The following PAMR1 variants were observed in gnomAD, a reference collection of about 807,000 sequenced individuals.
PAMR1 encodes peptidase domain containing associated with muscle regeneration 1.
Under a neutral mutation model 81.8 loss-of-function variants are expected in PAMR1, and 88 were observed. That is an observed-to-expected ratio of 1.08 (90% CI 0.91 to 1.28). The LOEUF (loss-of-function observed/expected upper bound fraction) is 1.28. PAMR1 is among the 50% of genes most tolerant of loss of function. PAMR1 has a pLI of 0.00. For synonymous variants in PAMR1, 336 were observed against 345.3 expected (o/e 0.97, Z 0.30); for missense variants, 935 against 919.7 (o/e 1.02, Z -0.21).
At chr11:35,470,507 A>C in intron 5 of PAMR1, 94 bp downstream of exon 5, 1 of 949,004 alleles carries the variant, frequency 1.1e-6, no homozygotes, top group Admixed American at 1.9e-5. Context: ...ACTAGGTTTT[A>C]ATAAGGATGA....
At chr11:35,501,893 A>G (rs1430013802) in intron 1 of PAMR1, among the ~76,000 whole-genome samples, 1 of 152,230 alleles carries the variant, frequency 6.6e-6, no homozygotes, top group African/African-American at 2.4e-5. Context: ...TGCAATAAAC[A>G]TAAGAGTGGA....
upstream of PAMR1, among the ~76,000 whole-genome samples, chr11:35,529,312 G>A (rs147715645): frequency 1.0e-3 from 155 of 152,266 alleles, no homozygotes; most frequent in African/African-American, 3.5e-3. Context: ...ACTAATCTTC[G>A]TAAGTTAAAA....
chr11:35,465,425 T>C (rs1360730394), intron 6 of PAMR1, among the ~76,000 whole-genome samples: 1 of 152,256 alleles, frequency 6.6e-6, no homozygotes, highest in Non-Finnish European at 1.5e-5. Context: ...ATGTTTTGAA[T>C]TTGTTGGTAT....
At chr11:35,441,442 C>A (rs1157326734) in intron 7 of PAMR1, 39 bp downstream of exon 7, 3 of 1,474,434 alleles carry the variant, frequency 2.0e-6, no homozygotes, top group Admixed American at 1.7e-5. Context: ...CTAGCAACTT[C>A]ATCAATGTCC....
chr11:35,482,385 G>A (rs753497700), intron 3 of PAMR1, among the ~76,000 whole-genome samples: 6 of 151,996 alleles, frequency 3.9e-5, no homozygotes, highest in African/African-American at 7.2e-5. Context: ...GTTCTGTTCC[G>A]TTGGTCTGTA....
chr11:35,432,843 G>C lies in PAMR1; in HGVS notation c.1676C>G (p.Ala559Gly). The C allele has an allele frequency of 6.2e-7, 1 of 1,600,360 alleles. No individual in the cohort carries two copies. Residue 559 changes from alanine to glycine, a missense_variant, in exon 11 of 11, where the codon GCT becomes GGT. Coordinates refer to ENST00000619888, the MANE Select transcript of PAMR1 (RefSeq NM_001001991.3). The part of the protein sequence containing the change: ...HPNYDPILLD[A>G]DIAILKLLDK... Reference sequence around the variant, plus strand: ...TAGGAGCTTCAGGATGGCGATGTCAGCATCAAGCAGGATGGGGTCATAGTT... The same window carrying C: ...TAGGAGCTTCAGGATGGCGATGTCACCATCAAGCAGGATGGGGTCATAGTT...
chr11:35,490,758 T>G lies in PAMR1; in HGVS notation c.379+1287A>C, dbSNP rs369029105. Reference sequence around the variant, plus strand: ...TGAGCTTTTACTATTGTCAGAGCACTAAGTGCTTCACACACATTATCTCAT... The same window carrying G: ...TGAGCTTTTACTATTGTCAGAGCACGAAGTGCTTCACACACATTATCTCAT... On this transcript the variant is annotated intron_variant, in intron 3 of 10. Coordinates refer to ENST00000619888, the MANE Select transcript of PAMR1 (RefSeq NM_001001991.3). 5.3e-5 allele frequency among the ~76,000 whole-genome samples: 8 copies of G among 152,324 alleles called. No individual in the cohort carries two copies. In the East Asian group the frequency reaches 1.2e-3, roughly 22 times the overall value.
upstream of PAMR1, chr11:35,529,996 T>C (rs1450687290): frequency 6.6e-6 from 1 of 152,220 alleles, no homozygotes; most frequent in Admixed American, 6.5e-5. Flanking sequence ...GGAGACTGTC[T>C]TTGTGAATTC....
chr11:35,480,248 A>G (rs562932257), intron 3 of PAMR1, among the ~76,000 whole-genome samples: 6 of 152,294 alleles, frequency 3.9e-5, no homozygotes, highest in African/African-American at 1.2e-4. Context: ...CCCATGTCAA[A>G]TGGCCTGTCC....
At chr11:35,466,077 T>C (rs10836400) in intron 6 of PAMR1, among the ~76,000 whole-genome samples, 43,043 of 151,996 alleles carry the variant, frequency 0.28, 6,192 homozygotes, top group Admixed American at 0.34. Context: ...AATTCTATTT[T>C]TTTTTTTTTA....
Position 35,514,219 on chromosome 11 carries a change from GT to G in PAMR1, c.73+11293del, listed in dbSNP as rs552592258. Among the ~76,000 whole-genome samples, 16 of 152,276 alleles carry G rather than the reference GT, an allele frequency of 1.1e-4. No homozygotes were observed. The South Asian group carries it at 2.9e-3, about 28-fold the overall frequency. ...TGAAAAAACACAATGAGCATAAAGG[GT>G]TTTTGAAGAAAAAAATGCATATTTG... On this transcript the variant is annotated intron_variant, in intron 1 of 10. Transcript: ENST00000619888.
At chr11:35,453,579 T>G (rs1427954039) in intron 6 of PAMR1, 1 of 152,236 alleles carries the variant, frequency 6.6e-6, no homozygotes, top group Non-Finnish European at 1.5e-5. Context: ...TTTAGACATC[T>G]ACCTGGTGGG....
chr11:35,528,776 G>A (rs1851426944), upstream of PAMR1, among the ~76,000 whole-genome samples: 1 of 152,144 alleles, frequency 6.6e-6, no homozygotes, highest in African/African-American at 2.4e-5. Context: ...GGAAACAGAG[G>A]CCCTTCTTCT....
intron 1 of PAMR1, among the ~76,000 whole-genome samples, chr11:35,514,941 A>C (rs1486389100): frequency 6.6e-6 from 1 of 152,198 alleles, no homozygotes; most frequent in Non-Finnish European, 1.5e-5. Context: ...GCAGGTCAAG[A>C]CTGCAGCAAA....
intron 1 of PAMR1, among the ~76,000 whole-genome samples, chr11:35,519,148 G>T (rs558296231): frequency 6.6e-6 from 1 of 152,150 alleles, no homozygotes; most frequent in Admixed American, 6.5e-5. Context: ...AGCCAAGGGG[G>T]CCACTTCTTT....
intron 1 of PAMR1, among the ~76,000 whole-genome samples, chr11:35,524,329 T>A (rs1469820083): frequency 2.0e-5 from 3 of 152,182 alleles, no homozygotes; most frequent in Non-Finnish European, 2.9e-5. Context: ...AGGCAGGCTC[T>A]AGGTAGATGG....
chr11:35,478,490 G>A (rs1201565116), intron 3 of PAMR1, among the ~76,000 whole-genome samples: 1 of 152,188 alleles, frequency 6.6e-6, no homozygotes, highest in Non-Finnish European at 1.5e-5. Flanking sequence ...CAGAGACAAA[G>A]GGGCCACTTC....
chr11:35,450,519 A>G (rs1159636931), intron 6 of PAMR1, among the ~76,000 whole-genome samples: 2 of 152,222 alleles, frequency 1.3e-5, no homozygotes, highest in African/African-American at 2.4e-5. Context: ...AAATGCCTCC[A>G]TGATGTGGGA....
At chr11:35,510,598 T>A (rs1378160241) in intron 1 of PAMR1, among the ~76,000 whole-genome samples, 2 of 152,110 alleles carry the variant, frequency 1.3e-5, no homozygotes, top group Non-Finnish European at 2.9e-5. Flanking sequence ...CATTTTGATG[T>A]CTATCCTTCA....
Sources: gnomAD v4.1 joint callset for allele counts (sites outside exome capture counted in the v4.1 genomes callset) on GRCh38, gnomAD v4.1.1 for gene constraint, MANE v1.5 for transcripts, NCBI Gene and HGNC (gene_info 2026-07-23, HGNC 2026-07-21) for gene names.